ITGAE: variants seen among roughly 807,000 people sequenced by gnomAD.
ITGAE encodes the protein integrin subunit alpha E.
In ITGAE, 99 loss-of-function variants were observed where a neutral mutation model predicts 136.5. That is an observed-to-expected ratio of 0.73 (90% CI 0.62 to 0.86). ITGAE has a LOEUF of 0.86. ITGAE is among the 40% of genes least tolerant of loss of function. The probability of loss-of-function intolerance (pLI) is 0.00; values close to 1 mark genes in which losing one functional copy is unlikely to be tolerated. For missense variants in ITGAE, 1,447 were observed against 1,515.3 expected (o/e 0.95, Z 0.75); for synonymous variants, 613 against 591.8 (o/e 1.04, Z -0.52).
intron 1 of ITGAE, among the ~76,000 whole-genome samples, chr17:3,790,818 C>T (rs1159071252): frequency 1.3e-5 from 2 of 152,108 alleles, no homozygotes; most frequent in Admixed American, 6.6e-5. Flanking sequence ...ATGTCATGTG[C>T]GGACCTTGTT....
Position 3,792,278 on chromosome 17 carries a change from C to T in ITGAE, c.34+8833G>A, listed in dbSNP as rs560376854. Among the ~76,000 whole-genome samples the T allele has an allele frequency of 2.3e-4, 35 of 152,228 alleles. 1 individual carries two copies. In the South Asian group the frequency reaches 7.3e-3, roughly 32 times the overall value. ...CTGGGATTATAGGCACGCACCACCA[C>T]ACCTGGATAATTTTTGTATTTTTAG... is the stretch of plus-strand genomic sequence containing the variant. On this transcript the variant is annotated intron_variant, in intron 1 of 30. Coordinates refer to ENST00000263087, the MANE Select transcript of ITGAE (RefSeq NM_002208.5).
intron 9 of ITGAE, 139 bp from the exon 10 acceptor site, chr17:3,757,273 CCT>C: frequency 9.1e-7 from 1 of 1,098,462 alleles, no homozygotes; most frequent in South Asian, 1.5e-5. Flanking sequence ...TTCCCTGCTC[CCT>C]GTTCTACCCA....
At chr17:3,741,029 C>G (rs908120433) in intron 19 of ITGAE, among the ~76,000 whole-genome samples, 1 of 148,600 alleles carries the variant, frequency 6.7e-6, no homozygotes, top group Non-Finnish European at 1.5e-5. Context: ...GTGGCGCTCT[C>G]TCTAAGTGGG....
chr17:3,777,358 G>T (rs1377842513), intron 2 of ITGAE, among the ~76,000 whole-genome samples, 182 bp downstream of exon 2: 4 of 152,236 alleles, frequency 2.6e-5, no homozygotes, highest in Admixed American at 1.3e-4. Context: ...CCACAGACCA[G>T]CCCGATGCCC....
chr17:3,748,853 A>C (rs962807009), intron 16 of ITGAE, among the ~76,000 whole-genome samples: 1 of 151,808 alleles, frequency 6.6e-6, no homozygotes, highest in Non-Finnish European at 1.5e-5. Flanking sequence ...GGAGGAGGAG[A>C]TGGGAATGGA....
chr17:3,797,153 A>T (rs1567566698), intron 1 of ITGAE, among the ~76,000 whole-genome samples: 2 of 21,286 alleles, frequency 9.4e-5, no homozygotes, highest in African/African-American at 2.4e-4. Context: ...ATATATATAT[A>T]TATATTTTTT....
At chr17:3,715,057 T>TA (rs1185002375) in intron 30 of ITGAE, 115 bp from the exon 31 acceptor site, 1 of 635,548 alleles carries the variant, frequency 1.6e-6, no homozygotes. Flanking sequence ...TTCTCATACT[T>TA]ACTACTCCCT....
chr17:3,715,279 G>A (rs953301356), intron 30 of ITGAE, among the ~76,000 whole-genome samples: 1 of 152,166 alleles, frequency 6.6e-6, no homozygotes, highest in Non-Finnish European at 1.5e-5. Flanking sequence ...CTATGATGCT[G>A]AAGACAGAAG....
In ITGAE at chr17:3,755,105, C is replaced by T. The variant is rs986990144; in HGVS notation, c.1384+12G>A. The T allele has an allele frequency of 1.3e-6, 2 of 1,580,628 alleles. No homozygotes were observed. Among genetic ancestry groups the T allele is most frequent in the Non-Finnish European group, 1.7e-6 (2 of 1,167,352 alleles). Reference sequence around the variant, plus strand: ...AGGTGGCCCCGCCCTCATCAGGTGGCCCCGCCCTCACCCAGGTAGCTGTAC... The same window carrying T: ...AGGTGGCCCCGCCCTCATCAGGTGGTCCCGCCCTCACCCAGGTAGCTGTAC... On this transcript the variant is annotated intron_variant, in intron 12 of 30. Transcript: ENST00000263087.
In ITGAE at chr17:3,755,871, G is replaced by T; in HGVS notation, c.1198C>A (p.Gln400Lys). The T allele has an allele frequency of 6.2e-7, 1 of 1,600,232 alleles. No homozygotes were observed. The highest frequency in any genetic ancestry group is 1.1e-5 in the South Asian group (1 of 88,306). ...EGTVGDALHY[Q>K]LAQIGFSAQI... ...GCACTGAAGCCAATCTGTGCCAGCTGGTAGTGAAGGGCGTCTCCAACCGTG... is the reference window on the plus strand; with the variant it reads ...GCACTGAAGCCAATCTGTGCCAGCTTGTAGTGAAGGGCGTCTCCAACCGTG... Residue 400 changes from glutamine to lysine, a missense_variant, in exon 11 of 31, where the codon CAG becomes AAG. By Grantham distance (53) the Gln-to-Lys change is moderately conservative. This residue lies in a region of ITGAE where 1,031 missense variants were observed against 1,011.4 expected (regional missense o/e 1.02). Transcript: ENST00000263087.
intron 1 of ITGAE, among the ~76,000 whole-genome samples, chr17:3,788,020 C>T (rs932391926): frequency 3.3e-5 from 5 of 152,040 alleles, no homozygotes; most frequent in Non-Finnish European, 7.4e-5. Flanking sequence ...TCTGAAGTCT[C>T]CTTACAAGAT....
chr17:3,797,158 T>TATATATATATA (rs1491339983), intron 1 of ITGAE, among the ~76,000 whole-genome samples: 2 of 4,366 alleles, frequency 4.6e-4, no homozygotes, highest in African/African-American at 1.1e-3. Flanking sequence ...TATATATATA[T>TATATATATATA]TTTTTTTTTT....
At position 3,799,241 on chromosome 17, in the gene ITGAE, C is replaced by T. The variant is rs897463376; in HGVS notation, c.34+1870G>A. Among the ~76,000 whole-genome samples the T allele has an allele frequency of 6.6e-6, 1 of 152,184 alleles. No homozygotes were observed. On this transcript the variant is annotated intron_variant, in intron 1 of 30. Coordinates refer to ENST00000263087, the MANE Select transcript of ITGAE (RefSeq NM_002208.5). The surrounding 1 kb of genome is among the most constrained non-coding windows in gnomAD (Gnocchi z 4.1). ...GGCCCATCCTAGTCTCAGGACCTCA[C>T]AGCATGGAGCAGAACTGCAGCAGCC...
At chr17:3,741,377 G>A (rs1435998699) in intron 19 of ITGAE, among the ~76,000 whole-genome samples, 2 of 151,590 alleles carry the variant, frequency 1.3e-5, no homozygotes, top group African/African-American at 4.8e-5. Flanking sequence ...GTGAGCCCCC[G>A]CGCCCGGCCT....
chr17:3,742,735 C>A (rs1406151238), intron 19 of ITGAE, among the ~76,000 whole-genome samples: 1 of 152,114 alleles, frequency 6.6e-6, no homozygotes. Flanking sequence ...ACCTCTGCCT[C>A]CTGGGCAAAG....
intron 22 of ITGAE, 152 bp from the exon 23 acceptor site, chr17:3,731,335 CTTTTTTTTT>C (rs78134599): frequency 1.5e-4 from 58 of 397,196 alleles, no homozygotes; most frequent in East Asian, 5.2e-4. Context: ...CTTTCCCTTC[CTTTTTTTTT>C]TTTTTTTTTT....
chr17:3,762,901 ATT>A (rs1005240281), intron 3 of ITGAE, among the ~76,000 whole-genome samples: 1 of 132,024 alleles, frequency 7.6e-6, no homozygotes, highest in Non-Finnish European at 1.6e-5. Context: ...GCCTGGCAGG[ATT>A]TTTTTTTTTT....
chr17:3,753,353 A>G lies in ITGAE; in HGVS notation c.1605T>C (p.Ala535=). The G allele has an allele frequency of 1.2e-6, 2 of 1,614,198 alleles. No homozygotes were observed. The highest frequency in any genetic ancestry group is 1.7e-6 in the Non-Finnish European group (2 of 1,180,028). The part of the protein sequence containing the change: ...MDGSTDFLLV[A]APFYHVHGEE... Reference sequence around the variant, plus strand: ...CTCCATGAACGTGGTAAAATGGAGCAGCCACCAGCAAGAAGTCCGTGCTTC... The same window carrying G: ...CTCCATGAACGTGGTAAAATGGAGCGGCCACCAGCAAGAAGTCCGTGCTTC... The change falls in exon 14 of 31, where the codon GCT becomes GCC. Residue 535 remains alanine (A), a synonymous_variant. Coordinates refer to ENST00000263087, the MANE Select transcript of ITGAE (RefSeq NM_002208.5).
At chr17:3,796,170 C>CGAGTGTGTGTGTGTGTGTGTGTGT (rs2053095871) in intron 1 of ITGAE, among the ~76,000 whole-genome samples, 1 of 126,932 alleles carries the variant, frequency 7.9e-6, no homozygotes, top group Non-Finnish European at 1.7e-5. Context: ...TGTGTGCATC[C>CGAGTGTGTGTGTGTGTGTGTGTGT]GTGTGTGTGT....
Sources: allele counts gnomAD v4.1 joint callset (sites outside exome capture counted in the v4.1 genomes callset), GRCh38; gene constraint gnomAD v4.1.1; regional missense constraint gnomAD v4.1.1; non-coding constraint Gnocchi (gnomAD v3.1); transcripts MANE v1.5; gene names NCBI Gene and HGNC (gene_info 2026-07-23, HGNC 2026-07-21).